The following SLC10A7 variants were observed in gnomAD, a reference collection of about 807,000 sequenced individuals.
SLC10A7 encodes sodium/bile acid cotransporter 7.
A neutral mutation model predicts 43.2 loss-of-function variants in SLC10A7; 29 were observed. The observed-to-expected ratio is 0.67, with a 90% CI of 0.50 to 0.92. The LOEUF is 0.92. Ranked by LOEUF, SLC10A7 falls within the 40% of genes least tolerant of loss-of-function variation. The probability of loss-of-function intolerance (pLI) is 0.00; values close to 1 mark genes in which losing one functional copy is unlikely to be tolerated. For synonymous variants in SLC10A7, 152 were observed against 144.8 expected (o/e 1.05, Z -0.35); for missense variants, 295 against 403.2 (o/e 0.73, Z 2.30).
intron 5 of SLC10A7, among the ~76,000 whole-genome samples, chr4:146,388,629 C>A (rs375260985): frequency 6.6e-5 from 10 of 151,598 alleles, no homozygotes; most frequent in Non-Finnish European, 1.0e-4. Context: ...CGTGGTGGTG[C>A]GCGCCTGTAG....
At chr4:146,444,030 A>T (rs1021558807) in intron 4 of SLC10A7, among the ~76,000 whole-genome samples, 1 of 152,210 alleles carries the variant, frequency 6.6e-6, no homozygotes, top group Non-Finnish European at 1.5e-5. Flanking sequence ...GGGAGCAGTG[A>T]AAAAAAGAAA....
At chr4:146,484,835 C>G (rs1394579381) in intron 4 of SLC10A7, among the ~76,000 whole-genome samples, 6 of 152,044 alleles carry the variant, frequency 3.9e-5, no homozygotes, top group Non-Finnish European at 7.4e-5. Flanking sequence ...TAGATCAATT[C>G]AAGAAAATAA....
intron 5 of SLC10A7, among the ~76,000 whole-genome samples, chr4:146,400,538 T>C (rs1374064299): frequency 6.6e-6 from 1 of 152,112 alleles, no homozygotes; most frequent in Non-Finnish European, 1.5e-5. Context: ...CTGAGTGACT[T>C]ATCGAAACGT....
intron 10 of SLC10A7, among the ~76,000 whole-genome samples, chr4:146,260,777 G>A (rs1371651303): frequency 6.6e-6 from 1 of 152,184 alleles, no homozygotes; most frequent in Non-Finnish European, 1.5e-5. Flanking sequence ...TGTGAAAAGG[G>A]AGAGGGCCTG....
chr4:146,507,287 C>T (rs537841132), intron 3 of SLC10A7, among the ~76,000 whole-genome samples: 4 of 152,252 alleles, frequency 2.6e-5, no homozygotes, highest in East Asian at 1.9e-4. Flanking sequence ...TGTGGCTGGG[C>T]GCAGTGGCTC....
At position 146,284,283 on chromosome 4, in the gene SLC10A7, C is replaced by A. The variant is rs1388613363; in HGVS notation, c.774-1018G>T. The stretch of plus-strand genomic sequence containing the variant: ...TCCATCTATACAGTTGCAGATATAA[C>A]AATGTACCTGATTTTTAAGGCTCCC... On this transcript the variant is annotated intron_variant, in intron 9 of 11. Transcript: ENST00000335472. Among the ~76,000 whole-genome samples, 3 of 152,094 alleles carry A rather than the reference C, an allele frequency of 2.0e-5. No individual in the cohort carries two copies. In the East Asian group the frequency reaches 5.8e-4, roughly 29 times the overall value.
At position 146,281,001 on chromosome 4, in the gene SLC10A7, A is replaced by T. The variant is rs962705135; in HGVS notation, c.847+2191T>A. Among the ~76,000 whole-genome samples the T allele has an allele frequency of 1.3e-5, 2 of 152,208 alleles. 1 individual carries two copies. The highest frequency in any genetic ancestry group is 2.9e-5 in the Non-Finnish European group (2 of 68,040). On this transcript the variant is annotated intron_variant, in intron 10 of 11. Coordinates refer to ENST00000335472, the MANE Select transcript of SLC10A7 (RefSeq NM_001029998.6). Reference sequence around the variant, plus strand: ...ATGAAAGTAGCTAAGGATTACATAGATATTACACTAGTACAGCATCATATT... The same window carrying T: ...ATGAAAGTAGCTAAGGATTACATAGTTATTACACTAGTACAGCATCATATT...
At chr4:146,478,006 T>C (rs1279598773) in intron 4 of SLC10A7, 3 of 152,178 alleles carry the variant, frequency 2.0e-5, no homozygotes, top group Non-Finnish European at 4.4e-5. Context: ...CACTTAATAC[T>C]GCACAAAAGA....
chr4:146,335,467 T>C (rs914895654), intron 5 of SLC10A7, among the ~76,000 whole-genome samples: 3 of 151,962 alleles, frequency 2.0e-5, no homozygotes, highest in Admixed American at 6.6e-5. Context: ...AACCTGAATC[T>C]TTTATAAGAG....
chr4:146,429,093 C>T (rs893064800), intron 5 of SLC10A7, among the ~76,000 whole-genome samples: 1 of 152,044 alleles, frequency 6.6e-6, no homozygotes, highest in Admixed American at 6.5e-5. Flanking sequence ...TTTCCACTTC[C>T]ATTCCAAATC....
chr4:146,491,680 GA>G (rs1735436404), intron 4 of SLC10A7, among the ~76,000 whole-genome samples: 2 of 16,060 alleles, frequency 1.2e-4, no homozygotes, highest in South Asian at 7.8e-3. Flanking sequence ...GGGAGGAAGG[GA>G]AGGAAGGAAG....
chr4:146,267,038 G>A (rs1404247165), intron 10 of SLC10A7, among the ~76,000 whole-genome samples: 1 of 152,108 alleles, frequency 6.6e-6, no homozygotes. Context: ...ATTTAATAGG[G>A]AGACAAGACA....
intron 5 of SLC10A7, among the ~76,000 whole-genome samples, chr4:146,432,449 A>G (rs1729848171): frequency 6.6e-6 from 1 of 152,212 alleles, no homozygotes; most frequent in African/African-American, 2.4e-5. Context: ...TATATACAAC[A>G]TAGATGAATC....
chr4:146,457,059 C>T (rs564128620), intron 4 of SLC10A7, among the ~76,000 whole-genome samples: 1 of 151,942 alleles, frequency 6.6e-6, no homozygotes, highest in Admixed American at 6.6e-5. Context: ...CTCAACTCTG[C>T]TATTGTGGTG....
chr4:146,305,423 T>G (rs1731488346), intron 7 of SLC10A7, among the ~76,000 whole-genome samples: 1 of 95,556 alleles, frequency 1.0e-5, no homozygotes. Flanking sequence ...TGGGGACTGT[T>G]GTGGGGTGGG....
chr4:146,521,601 A>C lies in SLC10A7; in HGVS notation c.100+17T>G. ...AAGTGGGAGCCGCGGTGGAGCCGGC[A>C]GAGGTGCAGCACTTACCCCCATTCA... is the stretch of plus-strand genomic sequence containing the variant. On this transcript the variant is annotated intron_variant, in intron 1 of 11. Coordinates refer to ENST00000335472, the MANE Select transcript of SLC10A7 (RefSeq NM_001029998.6). The C allele has an allele frequency of 6.2e-7, 1 of 1,602,974 alleles. No individual in the cohort carries two copies. Among genetic ancestry groups the C allele is most frequent in the Non-Finnish European group, 8.5e-7 (1 of 1,171,350 alleles).
intron 5 of SLC10A7, among the ~76,000 whole-genome samples, chr4:146,437,543 G>A (rs946885421): frequency 1.3e-5 from 2 of 151,960 alleles, no homozygotes; most frequent in Admixed American, 1.3e-4. Flanking sequence ...AACTTTTGAG[G>A]TAAAACTAAG....
intron 5 of SLC10A7, among the ~76,000 whole-genome samples, chr4:146,327,676 C>T (rs1201410720): frequency 6.6e-6 from 1 of 152,242 alleles, no homozygotes; most frequent in Non-Finnish European, 1.5e-5. Context: ...TATGCTTAAA[C>T]AGCTTATAAT....
intron 4 of SLC10A7, among the ~76,000 whole-genome samples, chr4:146,446,575 CA>C (rs11300760): frequency 0.72 from 91,656 of 128,028 alleles, 31,508 homozygotes; most frequent in South Asian, 0.85. Context: ...GACCCTGTCT[CA>C]AAAAAAAAAA....
Sources: allele counts gnomAD v4.1 joint callset (sites outside exome capture counted in the v4.1 genomes callset), GRCh38; gene constraint gnomAD v4.1.1; transcripts MANE v1.5; gene names NCBI Gene and HGNC (gene_info 2026-07-23, HGNC 2026-07-21).